Variants in TMEFF1 observed in about 807,000 individuals in gnomAD.
TMEFF1 encodes the protein transmembrane protein with EGF like and two follistatin like domains 1.
In TMEFF1, 20 loss-of-function variants were observed where a neutral mutation model predicts 47.5. The observed-to-expected ratio is 0.42, with a 90% CI of 0.30 to 0.61. The LOEUF (loss-of-function observed/expected upper bound fraction) is 0.61, where lower values mean the gene tolerates loss of function less well. Ranked by LOEUF, TMEFF1 falls within the 20% of genes least tolerant of loss-of-function variation. The pLI, the probability that TMEFF1 is intolerant of heterozygous loss-of-function variation, is 0.19. For synonymous variants in TMEFF1, 162 were observed against 166.3 expected (o/e 0.97, Z 0.20); for missense variants, 411 against 471.1 (o/e 0.87, Z 1.18).
chr9:100,474,321 CTG>C (rs533050448), intron 1 of TMEFF1, among the ~76,000 whole-genome samples: 3 of 151,378 alleles, frequency 2.0e-5, no homozygotes, highest in Admixed American at 1.3e-4. Flanking sequence ...TGCAGAGTGA[CTG>C]TGTGTGTGCG....
At chr9:100,521,779 TC>T (rs895906286) in intron 5 of TMEFF1, among the ~76,000 whole-genome samples, 2 of 152,216 alleles carry the variant, frequency 1.3e-5, no homozygotes, top group African/African-American at 2.4e-5. Flanking sequence ...CTCCAGTTAT[TC>T]CTTTTGAACT....
intron 5 of TMEFF1, among the ~76,000 whole-genome samples, chr9:100,543,242 A>G (rs568463338): frequency 8.5e-5 from 13 of 152,118 alleles, no homozygotes; most frequent in African/African-American, 3.1e-4. Flanking sequence ...TCTCTTTTTT[A>G]AATATGCACC....
At chr9:100,505,770 T>C (rs1166138262) in intron 2 of TMEFF1, among the ~76,000 whole-genome samples, 1 of 152,216 alleles carries the variant, frequency 6.6e-6, no homozygotes, top group Admixed American at 6.5e-5. Flanking sequence ...GGGGCGATAT[T>C]GGCACCTTTG....
chr9:100,551,105 A>T (rs1356606231), intron 7 of TMEFF1, among the ~76,000 whole-genome samples: 1 of 152,274 alleles, frequency 6.6e-6, no homozygotes, highest in African/African-American at 2.4e-5. Flanking sequence ...GCTGAATTAC[A>T]AGTGCATCAT....
chr9:100,521,041 A>G (rs1838151701), intron 5 of TMEFF1, among the ~76,000 whole-genome samples: 1 of 152,292 alleles, frequency 6.6e-6, no homozygotes, highest in East Asian at 1.9e-4. Flanking sequence ...GATGCCCTCA[A>G]TTTTTAATTT....
intron 5 of TMEFF1, among the ~76,000 whole-genome samples, chr9:100,536,086 C>T (rs144530010): frequency 3.9e-5 from 6 of 152,196 alleles, no homozygotes; most frequent in African/African-American, 9.6e-5. Context: ...TCTGTGGAAA[C>T]GAGCATGGGC....
intron 1 of TMEFF1, among the ~76,000 whole-genome samples, chr9:100,491,911 C>T (rs1291003065): frequency 4.1e-5 from 6 of 146,012 alleles, no homozygotes; most frequent in African/African-American, 1.0e-4. Flanking sequence ...GACAGAGTCT[C>T]GCTCTGTAGC....
intron 7 of TMEFF1, among the ~76,000 whole-genome samples, chr9:100,560,140 A>G (rs1838987296): frequency 6.6e-6 from 1 of 152,036 alleles, no homozygotes; most frequent in Admixed American, 6.6e-5. Context: ...AAAAAATTTT[A>G]TTAATACCTT....
intron 2 of TMEFF1, among the ~76,000 whole-genome samples, chr9:100,504,432 G>A (rs545562760): frequency 1.3e-4 from 20 of 152,298 alleles, no homozygotes; most frequent in African/African-American, 4.8e-4. Flanking sequence ...ATACACCACT[G>A]ACTTAACTTG....
chr9:100,565,376 C>T (rs1839106158), intron 8 of TMEFF1, among the ~76,000 whole-genome samples: 1 of 152,150 alleles, frequency 6.6e-6, no homozygotes, highest in African/African-American at 2.4e-5. Context: ...ATTGCTTCAT[C>T]ATACTCACTT....
At chr9:100,527,856 C>T (rs981627801) in intron 5 of TMEFF1, among the ~76,000 whole-genome samples, 1 of 151,860 alleles carries the variant, frequency 6.6e-6, no homozygotes, top group African/African-American at 2.4e-5. Context: ...ACAGCTTTGA[C>T]GAGAGCAGTG....
chr9:100,493,371 G>C (rs1366412278), intron 1 of TMEFF1, among the ~76,000 whole-genome samples: 1 of 152,092 alleles, frequency 6.6e-6, no homozygotes, highest in East Asian at 1.9e-4. Context: ...TTAACGGAAG[G>C]GTGGTAGAAA....
In TMEFF1 at chr9:100,567,314, C is replaced by T. The variant is rs549284420; in HGVS notation, c.900-5204C>T. On this transcript the variant is annotated intron_variant, in intron 8 of 9. Coordinates refer to ENST00000374879, the MANE Select transcript of TMEFF1 (RefSeq NM_003692.5). ...CTCACCTCCTTCAAGTCTTTACTCA[C>T]GTGTTACCTTCTTAACCTACCCGGA... 7.2e-5 allele frequency among the ~76,000 whole-genome samples: 11 copies of T among 152,294 alleles called. No homozygotes were observed. The South Asian group carries it at 2.3e-3, about 32-fold the overall frequency.
intron 8 of TMEFF1, among the ~76,000 whole-genome samples, chr9:100,566,928 A>AT (rs1374321634): frequency 2.0e-5 from 3 of 151,758 alleles, no homozygotes; most frequent in African/African-American, 4.8e-5. Context: ...TGATTTTTGC[A>AT]TTTTTTTGTA....
chr9:100,564,532 AT>A (rs1409516631), intron 8 of TMEFF1, among the ~76,000 whole-genome samples: 7 of 152,190 alleles, frequency 4.6e-5, no homozygotes, highest in Admixed American at 4.6e-4. Flanking sequence ...AGTAATTATA[AT>A]ATGGAAAATG....
chr9:100,544,241 A>G lies in TMEFF1; in HGVS notation c.561-3503A>G, dbSNP rs553488675. 1.9e-4 allele frequency among the ~76,000 whole-genome samples: 29 copies of G among 152,154 alleles called. No homozygotes were observed. The South Asian group carries it at 5.6e-3, about 30-fold the overall frequency. On this transcript the variant is annotated intron_variant, in intron 5 of 9. Coordinates refer to ENST00000374879, the MANE Select transcript of TMEFF1 (RefSeq NM_003692.5). ...AGGCCTTGTGTTAGTCTGTTTTCACACTGCTGATAAAGACATACTAGACAC... is the reference window on the plus strand; with the variant it reads ...AGGCCTTGTGTTAGTCTGTTTTCACGCTGCTGATAAAGACATACTAGACAC...
At chr9:100,509,971 G>A (rs1837932681) in intron 3 of TMEFF1, among the ~76,000 whole-genome samples, 1 of 152,076 alleles carries the variant, frequency 6.6e-6, no homozygotes, top group Non-Finnish European at 1.5e-5. Context: ...TTGTATTAAT[G>A]TTTGGGGATA....
intron 5 of TMEFF1, among the ~76,000 whole-genome samples, chr9:100,546,847 A>T (rs184470832): frequency 9.9e-5 from 15 of 152,104 alleles, no homozygotes; most frequent in Middle Eastern, 3.4e-3. Context: ...TCTTGAGGGG[A>T]GTAATCTTGC....
chr9:100,561,253 C>T, intron 7 of TMEFF1, 144 bp from the exon 8 acceptor site: 1 of 1,391,116 alleles, frequency 7.2e-7, no homozygotes, highest in African/African-American at 1.5e-5. Context: ...CTTATCTAAC[C>T]CCCTATCTGA....
Sources: allele counts gnomAD v4.1 joint callset (sites outside exome capture counted in the v4.1 genomes callset), GRCh38; gene constraint gnomAD v4.1.1; transcripts MANE v1.5; gene names NCBI Gene and HGNC (gene_info 2026-07-23, HGNC 2026-07-21).